ZCWPW2: variants seen among roughly 807,000 people sequenced by gnomAD.
ZCWPW2 encodes the protein zinc finger CW-type and PWWP domain containing 2.
In ZCWPW2, 45 loss-of-function variants were observed where a neutral mutation model predicts 46.6. The observed-to-expected ratio is 0.96, with a 90% CI of 0.76 to 1.24. The LOEUF (loss-of-function observed/expected upper bound fraction) is 1.24, where lower values mean the gene tolerates loss of function less well. Among genes scored for constraint, ZCWPW2 ranks in the 50% most tolerant of loss-of-function variants. The pLI, the probability that ZCWPW2 is intolerant of heterozygous loss-of-function variation, is 0.00. For missense variants in ZCWPW2, 429 were observed against 403.9 expected (o/e 1.06, Z -0.53); for synonymous variants, 152 against 137.1 (o/e 1.11, Z -0.76).
At chr3:28,426,658 T>C (rs1697025385) in intron 3 of ZCWPW2, among the ~76,000 whole-genome samples, 1 of 152,172 alleles carries the variant, frequency 6.6e-6, no homozygotes, top group South Asian at 2.1e-4. Flanking sequence ...TATGTGTATC[T>C]GAAAGGAAAA....
At chr3:28,467,233 A>G (rs1328992461) in intron 4 of ZCWPW2, among the ~76,000 whole-genome samples, 2 of 152,226 alleles carry the variant, frequency 1.3e-5, no homozygotes, top group East Asian at 3.8e-4. Flanking sequence ...TAGTTCTACA[A>G]GGAAGAAAGA....
At chr3:28,487,339 AT>A (rs1258681767) in intron 5 of ZCWPW2, among the ~76,000 whole-genome samples, 6 of 151,596 alleles carry the variant, frequency 4.0e-5, no homozygotes, top group African/African-American at 1.5e-4. Context: ...GGTGGTTTTT[AT>A]TGATATATCC....
At chr3:28,350,473 C>T (rs80191859) in intron 1 of ZCWPW2, among the ~76,000 whole-genome samples, 4,198 of 152,232 alleles carry the variant, frequency 0.028, 82 homozygotes, top group South Asian at 0.073. Flanking sequence ...GCACACTACA[C>T]AGTGGGTTTA....
chr3:28,384,309 A>G (rs564586347), intron 1 of ZCWPW2, among the ~76,000 whole-genome samples: 2 of 152,310 alleles, frequency 1.3e-5, no homozygotes, highest in East Asian at 3.9e-4. Context: ...TTATGTTATT[A>G]AATACTGCTT....
Position 28,413,077 on chromosome 3 carries a change from A to G in ZCWPW2, c.9A>G (p.Lys3=), listed in dbSNP as rs990494622. Residue 3 remains lysine, a synonymous_variant, in exon 3 of 10, where the codon AAA becomes AAG. Transcript: ENST00000383768. ...CCAGATTAAATGCCTTAATGGATAAAGAAAAATTGGATGTTAAGATTGAAT... is the reference window on the plus strand; with the variant it reads ...CCAGATTAAATGCCTTAATGGATAAGGAAAAATTGGATGTTAAGATTGAAT... MD[K]EKLDVKIEYC... is the part of the protein sequence containing the mutation. The G allele has an allele frequency of 1.9e-6, 3 of 1,607,526 alleles. No homozygotes were observed. In the African/African-American group the frequency reaches 4.0e-5, roughly 22 times the overall value.
Position 28,432,129 on chromosome 3 carries a change from A to G in ZCWPW2, c.333-2981A>G, listed in dbSNP as rs530884689. Among the ~76,000 whole-genome samples the G allele has an allele frequency of 3.3e-5, 5 of 152,248 alleles. No homozygotes were observed. In the East Asian group the frequency reaches 9.7e-4, roughly 29 times the overall value. On this transcript the variant is annotated intron_variant, in intron 3 of 9. Transcript: ENST00000383768. ...GGGATTATGGGAATTACAATTCAAG[A>G]TGAGATTTGGGTGGGGACACAAAGC...
At chr3:28,465,758 C>G in intron 4 of ZCWPW2, among the ~76,000 whole-genome samples, 1 of 149,772 alleles carries the variant, frequency 6.7e-6, no homozygotes, top group African/African-American at 2.4e-5. Flanking sequence ...AACAATCAAA[C>G]AAAAAAAAAC....
chr3:28,487,746 A>G (rs35447037), intron 5 of ZCWPW2, among the ~76,000 whole-genome samples: 24,606 of 152,184 alleles, frequency 0.16, 2,468 homozygotes, highest in East Asian at 0.49. Context: ...GTGGTAAGAC[A>G]TGAGGGGGAG....
intron 6 of ZCWPW2, among the ~76,000 whole-genome samples, chr3:28,497,276 A>G (rs1261291340): frequency 2.0e-5 from 3 of 151,140 alleles, no homozygotes; most frequent in African/African-American, 7.3e-5. Context: ...ATACGTGTAA[A>G]TGTTTTGTGA....
intron 3 of ZCWPW2, among the ~76,000 whole-genome samples, chr3:28,432,960 C>T (rs1459330350): frequency 6.6e-6 from 1 of 152,020 alleles, no homozygotes; most frequent in Non-Finnish European, 1.5e-5. Context: ...TAAGAAAGGC[C>T]TTTTGTTATT....
At chr3:28,513,989 G>T (rs1472175208) in intron 6 of ZCWPW2, 75 bp from the exon 7 acceptor site, 13 of 1,246,502 alleles carry the variant, frequency 1.0e-5, no homozygotes, top group East Asian at 3.2e-5. Context: ...TACTTGAACT[G>T]CATGGGACCC....
intron 6 of ZCWPW2, among the ~76,000 whole-genome samples, chr3:28,499,824 T>C (rs1360838018): frequency 1.3e-5 from 2 of 152,086 alleles, no homozygotes; most frequent in African/African-American, 2.4e-5. Flanking sequence ...TTCTGATTGA[T>C]TTGTAGGCAT....
At position 28,365,429 on chromosome 3, in the gene ZCWPW2, T is replaced by C; in HGVS notation, c.-134+16226T>C. Reference sequence around the variant, plus strand: ...ATCGTTTCCCCATTGCTTGTTTTTGTCAGGTTTGTCAAAGATCATATGGTT... The same window carrying C: ...ATCGTTTCCCCATTGCTTGTTTTTGCCAGGTTTGTCAAAGATCATATGGTT... On this transcript the variant is annotated intron_variant, in intron 1 of 9. Transcript: ENST00000383768. Among the ~76,000 whole-genome samples the C allele has an allele frequency of 1.4e-5, 2 of 141,292 alleles. 1 individual carries two copies. The allele number at this position is 141,292 out of a possible 152,430, so 92.7% of individuals were successfully genotyped here.
intron 5 of ZCWPW2, among the ~76,000 whole-genome samples, chr3:28,491,177 T>C (rs142277632): frequency 4.9e-4 from 74 of 152,182 alleles, no homozygotes; most frequent in African/African-American, 1.7e-3. Flanking sequence ...CACCTAACCT[T>C]ATACATTCAT....
At chr3:28,369,843 A>G (rs1202555498) in intron 1 of ZCWPW2, among the ~76,000 whole-genome samples, 1 of 152,170 alleles carries the variant, frequency 6.6e-6, no homozygotes, top group African/African-American at 2.4e-5. Flanking sequence ...TACCTACTCA[A>G]GCCTCAGCAA....
At chr3:28,365,761 G>A (rs1403766945) in intron 1 of ZCWPW2, among the ~76,000 whole-genome samples, 1 of 140,818 alleles carries the variant, frequency 7.1e-6, no homozygotes, top group Non-Finnish European at 1.6e-5. Context: ...TCACAATATT[G>A]ATTCTTCCTA....
At chr3:28,357,247 T>A (rs1575041169) in intron 1 of ZCWPW2, among the ~76,000 whole-genome samples, 1 of 152,142 alleles carries the variant, frequency 6.6e-6, no homozygotes, top group East Asian at 1.9e-4. Flanking sequence ...TTCATTAAGA[T>A]CTATAGAAGG....
chr3:28,501,629 C>T (rs1349980898), intron 6 of ZCWPW2, among the ~76,000 whole-genome samples: 4 of 152,108 alleles, frequency 2.6e-5, no homozygotes, highest in African/African-American at 7.2e-5. Context: ...AATATATTTA[C>T]TCATAAAACT....
chr3:28,516,207 T>G (rs145826440), intron 8 of ZCWPW2, among the ~76,000 whole-genome samples: 2,312 of 151,782 alleles, frequency 0.015, 65 homozygotes, highest in African/African-American at 0.053. Flanking sequence ...ACCACTGCAT[T>G]CCAGCCTGGG....
Sources: allele counts gnomAD v4.1 joint callset (sites outside exome capture counted in the v4.1 genomes callset), GRCh38; gene constraint gnomAD v4.1.1; transcripts MANE v1.5; gene names NCBI Gene and HGNC (gene_info 2026-07-23, HGNC 2026-07-21).